Variants in MEGF10 observed in about 807,000 individuals in gnomAD.
MEGF10 encodes the protein multiple EGF like domains 10, also known as multiple epidermal growth factor-like domains protein 10.
In MEGF10, 86 loss-of-function variants were observed where a neutral mutation model predicts 147.5. That is an observed-to-expected ratio of 0.58 (90% CI 0.49 to 0.70). MEGF10 has a LOEUF of 0.70. MEGF10 is among the 30% of genes least tolerant of loss of function. The pLI is 0.00. For synonymous variants in MEGF10, 478 were observed against 525.5 expected (o/e 0.91, Z 1.24); for missense variants, 1,329 against 1,487.3 (o/e 0.89, Z 1.75).
At chr5:127,437,283 A>G (rs1408321608) in intron 16 of MEGF10, among the ~76,000 whole-genome samples, 1 of 152,222 alleles carries the variant, frequency 6.6e-6, no homozygotes, top group East Asian at 1.9e-4. Context: ...GTGACCTTGT[A>G]CGAGTCACTA....
At chr5:127,310,282 A>G (rs966888776) in intron 1 of MEGF10, among the ~76,000 whole-genome samples, 2 of 151,702 alleles carry the variant, frequency 1.3e-5, no homozygotes, top group East Asian at 1.9e-4. Context: ...TGTTACTGCT[A>G]TGTTGTAGGA....
chr5:127,410,608 G>C lies in MEGF10; in HGVS notation c.1130+7G>C. 6.3e-7 allele frequency: 1 copy of C among 1,595,030 alleles called. No homozygotes were observed. The highest frequency in any genetic ancestry group is 8.5e-7 in the Non-Finnish European group (1 of 1,174,352). On this transcript the variant is annotated splice_region_variant and intron_variant, in intron 9 of 24. Coordinates refer to ENST00000503335, the MANE Select transcript of MEGF10 (RefSeq NM_001256545.2). ...ACCTGGAAAACACTCATAGGTGAGT[G>C]TCAGCTTCCCCTGGAAGGACGTGTC...
chr5:127,447,573 C>G lies in MEGF10; in HGVS notation c.2745C>G (p.Ser915Arg), dbSNP rs1703925948. Residue 915 changes from serine to arginine, a missense_variant, in exon 21 of 25, where the codon AGC (serine) becomes AGG (arginine). Coordinates refer to ENST00000503335, the MANE Select transcript of MEGF10 (RefSeq NM_001256545.2). The part of the protein sequence containing the change: ...DYTISGTLPH[S>R]NGGNANSHYF... The stretch of plus-strand genomic sequence containing the variant: ...TTCTTGCAGGAACCCTTCCTCACAG[C>G]AATGGTGGAAACGCTAATAGCCACT... 1 of 1,613,992 alleles carries G rather than the reference C, an allele frequency of 6.2e-7. No homozygotes were observed. The highest frequency in any genetic ancestry group is 1.3e-5 in the African/African-American group (1 of 74,912).
At chr5:127,237,691 T>G in the MEGF10 span, among the ~76,000 whole-genome samples, 77,320 of 151,698 alleles carry the variant, frequency 0.51, 20,003 homozygotes, top group Middle Eastern at 0.61. Context: ...ACTGTTTAGG[T>G]AAGCAAGCCT....
chr5:127,246,936 G>GCTAT, the MEGF10 span, among the ~76,000 whole-genome samples: 2 of 4,060 alleles, frequency 4.9e-4, no homozygotes, highest in South Asian at 0.012. Context: ...AATAATATAT[G>GCTAT]ATTATATTAT....
the MEGF10 span, among the ~76,000 whole-genome samples, chr5:127,247,608 A>G: frequency 1.3e-5 from 2 of 152,076 alleles, no homozygotes; most frequent in Non-Finnish European, 2.9e-5. Flanking sequence ...CCCTCACACT[A>G]CAATGAAAGA....
Position 127,457,634 on chromosome 5 carries a change from G to C in MEGF10, c.*316G>C. 3.2e-6 allele frequency: 1 copy of C among 310,044 alleles called. No homozygotes were observed. Among genetic ancestry groups the C allele is most frequent in the East Asian group, 6.3e-5 (1 of 15,830 alleles). 19.2% of individuals were successfully genotyped at this position (310,044 alleles called of 1,614,324 possible). On this transcript the variant is annotated 3_prime_UTR_variant, in exon 25 of 25. Coordinates refer to ENST00000503335, the MANE Select transcript of MEGF10 (RefSeq NM_001256545.2). Reference sequence around the variant, plus strand: ...TCCCTCGGAGACGCAGGTTGCAGTGGACATTGGGATTGTTGCTTGAAAAAT... The same window carrying C: ...TCCCTCGGAGACGCAGGTTGCAGTGCACATTGGGATTGTTGCTTGAAAAAT...
intron 1 of MEGF10, among the ~76,000 whole-genome samples, chr5:127,325,936 G>A (rs1406465987): frequency 7.6e-6 from 1 of 131,378 alleles, no homozygotes; most frequent in East Asian, 2.2e-4. Flanking sequence ...ACAGGGACTT[G>A]CTCTGCCACC....
chr5:127,398,668 T>A lies in MEGF10; in HGVS notation c.660-8T>A. The A allele has an allele frequency of 6.2e-7, 1 of 1,614,080 alleles. No homozygotes were observed. Among genetic ancestry groups the A allele is most frequent in the Non-Finnish European group, 8.5e-7 (1 of 1,179,970 alleles). ...AACAGTGTCCTTTGTCACATGTTAA[T>A]CCCTCAGCTGTGAGGATCTTTGTCC... On this transcript the variant is annotated splice_region_variant and splice_polypyrimidine_tract_variant and intron_variant, in intron 6 of 24. Transcript: ENST00000503335.
chr5:127,407,153 C>A (rs1360570791), intron 8 of MEGF10, among the ~76,000 whole-genome samples: 2 of 152,152 alleles, frequency 1.3e-5, no homozygotes, highest in Non-Finnish European at 2.9e-5. Context: ...TGTCTAGGAG[C>A]GTGGAGATGT....
At chr5:127,336,779 T>G (rs1761487063) in intron 2 of MEGF10, among the ~76,000 whole-genome samples, 1 of 152,082 alleles carries the variant, frequency 6.6e-6, no homozygotes, top group Admixed American at 6.6e-5. Context: ...TTGAATAAGT[T>G]TTTTCTCCCA....
chr5:127,366,823 T>A (rs1580770416), intron 4 of MEGF10, among the ~76,000 whole-genome samples: 1 of 152,332 alleles, frequency 6.6e-6, no homozygotes, highest in East Asian at 1.9e-4. Flanking sequence ...TCTCAAAGCA[T>A]TCTGAAGCAG....
intron 1 of MEGF10, among the ~76,000 whole-genome samples, chr5:127,296,638 G>A (rs1164335157): frequency 1.3e-5 from 2 of 152,124 alleles, no homozygotes; most frequent in Non-Finnish European, 2.9e-5. Flanking sequence ...AGCCACAGGT[G>A]GTGGTTCCCA....
intron 22 of MEGF10, among the ~76,000 whole-genome samples, chr5:127,449,698 G>T (rs1659350258): frequency 6.6e-6 from 1 of 152,104 alleles, no homozygotes; most frequent in South Asian, 2.1e-4. Flanking sequence ...TTGATATAGG[G>T]TATCTGTACT....
At chr5:127,238,063 AT>A in the MEGF10 span, among the ~76,000 whole-genome samples, 1 of 139,804 alleles carries the variant, frequency 7.2e-6, no homozygotes, top group African/African-American at 2.6e-5. Flanking sequence ...ATATATATAT[AT>A]GTATATACTG....
At chr5:127,266,460 A>T in the MEGF10 span, among the ~76,000 whole-genome samples, 6 of 152,312 alleles carry the variant, frequency 3.9e-5, no homozygotes, top group Admixed American at 2.6e-4. Flanking sequence ...CTTTGAAGAA[A>T]GTCATTGGTA....
chr5:127,445,095 C>T (rs959914515), intron 19 of MEGF10, among the ~76,000 whole-genome samples: 4 of 152,134 alleles, frequency 2.6e-5, no homozygotes, highest in African/African-American at 9.7e-5. Flanking sequence ...AAAATCCTGT[C>T]TCTTTCTTTA....
At chr5:127,413,226 A>G (rs1193534133) in intron 9 of MEGF10, among the ~76,000 whole-genome samples, 1 of 152,228 alleles carries the variant, frequency 6.6e-6, no homozygotes, top group Non-Finnish European at 1.5e-5. Flanking sequence ...GCCTAAAGAT[A>G]TTCACTGTGA....
At chr5:127,346,831 T>G (rs1354737135) in intron 4 of MEGF10, among the ~76,000 whole-genome samples, 1 of 152,134 alleles carries the variant, frequency 6.6e-6, no homozygotes, top group Non-Finnish European at 1.5e-5. Context: ...AGACCAGAAG[T>G]GTTTCAGATT....
Sources: allele counts gnomAD v4.1 joint callset (sites outside exome capture counted in the v4.1 genomes callset), GRCh38; gene constraint gnomAD v4.1.1; transcripts MANE v1.5; gene names NCBI Gene and HGNC (gene_info 2026-07-23, HGNC 2026-07-21).